DIAPH2: variants seen among roughly 807,000 people sequenced by gnomAD.
DIAPH2 encodes protein diaphanous homolog 2.
DIAPH2 carries 35 observed loss-of-function variants against 92.7 expected under a neutral mutation model. That is an observed-to-expected ratio of 0.38 (90% CI 0.29 to 0.50). The LOEUF is 0.50. DIAPH2 is among the 20% of genes least tolerant of loss of function. DIAPH2 has a pLI of 0.94. For missense variants in DIAPH2, 701 were observed against 819.5 expected (o/e 0.86, Z 1.77); for synonymous variants, 301 against 280.4 (o/e 1.07, Z -0.73).
intron 26 of DIAPH2, among the ~76,000 whole-genome samples, chrX:97,483,317 G>C (rs1337146134): frequency 1.8e-5 from 2 of 111,038 alleles, no homozygotes; most frequent in Admixed American, 1.9e-4. Context: ...CCTTAGATTT[G>C]TGAGTAGAGG....
intron 22 of DIAPH2, among the ~76,000 whole-genome samples, chrX:97,170,760 T>A (rs1298192741): frequency 8.9e-6 from 1 of 112,030 alleles, no homozygotes; most frequent in Non-Finnish European, 1.9e-5. Context: ...CTGTAGATAT[T>A]TTGGTTTATA....
intron 5 of DIAPH2, chrX:96,885,131 C>T: frequency 8.8e-7 from 1 of 1,130,208 alleles, no homozygotes; most frequent in Non-Finnish European, 1.2e-6. Context: ...TTCGAAGACC[C>T]TTGCATCCAG....
intron 17 of DIAPH2, among the ~76,000 whole-genome samples, chrX:96,986,023 T>C (rs191209567): frequency 1.8e-5 from 2 of 111,448 alleles, no homozygotes; most frequent in African/African-American, 6.5e-5. Context: ...TTTTAAAAGG[T>C]CTTGAAAAAA....
intron 19 of DIAPH2, among the ~76,000 whole-genome samples, chrX:97,092,523 C>T (rs1457085911): frequency 8.9e-6 from 1 of 112,374 alleles, no homozygotes; most frequent in Admixed American, 9.4e-5. Context: ...TATGGATGCT[C>T]CATTTTGACT....
At chrX:97,368,487 ATTT>A (rs972932921) in intron 24 of DIAPH2, among the ~76,000 whole-genome samples, 5 of 111,387 alleles carry the variant, frequency 4.5e-5, no homozygotes, top group African/African-American at 6.5e-5. Flanking sequence ...AAGAAAAGGA[ATTT>A]TTTTTTAAAA....
At chrX:96,878,695 G>A in intron 4 of DIAPH2, among the ~76,000 whole-genome samples, 1 of 110,804 alleles carries the variant, frequency 9.0e-6, no homozygotes, top group Non-Finnish European at 1.9e-5. Context: ...GGAGTACCTC[G>A]GCCATAACCA....
At chrX:96,909,700 G>A (rs770394730) in intron 5 of DIAPH2, among the ~76,000 whole-genome samples, 15 of 111,218 alleles carry the variant, frequency 1.3e-4, no homozygotes, top group Non-Finnish European at 2.1e-4. Flanking sequence ...ACTTTTCCCT[G>A]TCTAGCTTGT....
At chrX:96,786,335 G>C (rs911196812) in intron 4 of DIAPH2, among the ~76,000 whole-genome samples, 1 of 111,930 alleles carries the variant, frequency 8.9e-6, no homozygotes, top group South Asian at 3.8e-4. Context: ...GATTACCAGG[G>C]AGTCATGAAG....
intron 26 of DIAPH2, among the ~76,000 whole-genome samples, chrX:97,500,763 GATATATATATATATATATATATATATAT>G (rs56041649): frequency 1.7e-5 from 1 of 60,113 alleles, no homozygotes; most frequent in Admixed American, 2.2e-4. Context: ...CATTCAAGGA[GATATATATATATATATATATATATATAT>G]ATATATATAT....
intron 25 of DIAPH2, among the ~76,000 whole-genome samples, chrX:97,398,338 G>A (rs910311933): frequency 6.2e-5 from 7 of 112,035 alleles, no homozygotes; most frequent in African/African-American, 2.3e-4. Flanking sequence ...GAGCTATAGA[G>A]ATGAACTATG....
intron 22 of DIAPH2, among the ~76,000 whole-genome samples, chrX:97,177,722 A>C (rs1217302847): frequency 1.8e-5 from 2 of 109,468 alleles, no homozygotes; most frequent in Non-Finnish European, 3.8e-5. Context: ...AAAAAAAAAA[A>C]AAAACAAAAA....
At chrX:97,543,783 G>A (rs996929968) in intron 26 of DIAPH2, among the ~76,000 whole-genome samples, 1 of 111,041 alleles carries the variant, frequency 9.0e-6, no homozygotes, top group Non-Finnish European at 1.9e-5. Flanking sequence ...TGGAATTACA[G>A]GCGTGAGCCA....
At chrX:97,508,029 C>T (rs191907450) in intron 26 of DIAPH2, among the ~76,000 whole-genome samples, 71 of 111,577 alleles carry the variant, frequency 6.4e-4, no homozygotes, top group Middle Eastern at 4.6e-3. Context: ...GCCATGTCTC[C>T]ATCCCATTAC....
At chrX:97,310,997 A>G (rs2068789399) in intron 23 of DIAPH2, among the ~76,000 whole-genome samples, 1 of 111,444 alleles carries the variant, frequency 9.0e-6, no homozygotes, top group African/African-American at 3.3e-5. Context: ...CGACAGAGCG[A>G]GACTCCATCT....
At chrX:97,383,785 G>C in intron 24 of DIAPH2, 124 bp from the exon 25 acceptor site, 1 of 577,671 alleles carries the variant, frequency 1.7e-6, no homozygotes, top group South Asian at 6.7e-5. Flanking sequence ...ATAAGTAATG[G>C]AAAGGTTTTT....
At chrX:96,686,535 AGTTCCTAGCTAACTTCACTGTTCCG>A (rs1325018018) in intron 1 of DIAPH2, among the ~76,000 whole-genome samples, 18 of 111,852 alleles carry the variant, frequency 1.6e-4, no homozygotes, top group East Asian at 5.6e-4. Flanking sequence ...TATCATTTTC[AGTTCCTAGCTAACTTCACTGTTCCG>A]GTTCCTAGCT....
At chrX:97,415,252 G>A (rs1312755434) in intron 25 of DIAPH2, among the ~76,000 whole-genome samples, 1 of 111,951 alleles carries the variant, frequency 8.9e-6, no homozygotes, top group Non-Finnish European at 1.9e-5. Context: ...TACATTGTTG[G>A]TGAGAGTATA....
chrX:97,024,623 A>G (rs1379795583), intron 17 of DIAPH2, among the ~76,000 whole-genome samples: 18 of 112,372 alleles, frequency 1.6e-4, no homozygotes, highest in Non-Finnish European at 1.9e-5. Context: ...CTATAGTAGC[A>G]GACATGAATA....
chrX:96,707,359 C>T (rs183399482), intron 1 of DIAPH2, among the ~76,000 whole-genome samples: 2,777 of 107,762 alleles, frequency 0.026, 88 homozygotes, highest in African/African-American at 0.089. Context: ...TTAGTAGAGA[C>T]GGGGTTTCAC....
Sources: allele counts gnomAD v4.1 joint callset (sites outside exome capture counted in the v4.1 genomes callset), GRCh38; gene constraint gnomAD v4.1.1; transcripts MANE v1.5; gene names NCBI Gene and HGNC (gene_info 2026-07-23, HGNC 2026-07-21).